Variants in EPHA6 observed in about 807,000 individuals in gnomAD.
EPHA6 encodes ephrin type-A receptor 6.
EPHA6 carries 50 observed loss-of-function variants against 112.0 expected under a neutral mutation model. The ratio of observed to expected loss-of-function variants is 0.45; its 90% CI spans 0.36 to 0.56. EPHA6 has a LOEUF of 0.56. Ranked by LOEUF, EPHA6 falls within the 20% of genes least tolerant of loss-of-function variation. EPHA6 has a pLI of 0.00. For missense variants in EPHA6, 1,280 were observed against 1,417.4 expected, an observed-to-expected ratio of 0.90 and a Z score of 1.56; for synonymous variants, 529 against 490.7, an observed-to-expected ratio of 1.08 and a Z score of -1.03.
chr3:97,373,369 A>G (rs1012543586), intron 5 of EPHA6, among the ~76,000 whole-genome samples: 2 of 152,154 alleles, frequency 1.3e-5, no homozygotes, highest in African/African-American at 4.8e-5. Context: ...ATGAAATCAC[A>G]ATCACAATAG....
At chr3:97,415,550 C>T (rs2107155814) in intron 6 of EPHA6, among the ~76,000 whole-genome samples, 1 of 152,158 alleles carries the variant, frequency 6.6e-6, no homozygotes, top group East Asian at 1.9e-4. Context: ...CAAACTCAAA[C>T]TGGTCCTGTG....
chr3:97,454,063 A>G (rs1018392257), intron 7 of EPHA6, among the ~76,000 whole-genome samples: 1 of 151,792 alleles, frequency 6.6e-6, no homozygotes, highest in Non-Finnish European at 1.5e-5. Context: ...ATGCTTCATG[A>G]ACAAAATAAT....
intron 6 of EPHA6, among the ~76,000 whole-genome samples, chr3:97,416,572 T>C (rs1323803160): frequency 2.0e-5 from 3 of 152,126 alleles, no homozygotes; most frequent in African/African-American, 4.8e-5. Context: ...GTGGCTTGAA[T>C]ATAGTAAGGA....
chr3:96,939,075 G>T (rs149730776), intron 2 of EPHA6, among the ~76,000 whole-genome samples: 140 of 152,094 alleles, frequency 9.2e-4, no homozygotes, highest in African/African-American at 3.1e-3. Context: ...CTCTTTTTTG[G>T]TTGTGTCTCT....
At chr3:96,981,233 T>G (rs2042759978) in intron 2 of EPHA6, among the ~76,000 whole-genome samples, 1 of 152,200 alleles carries the variant, frequency 6.6e-6, no homozygotes, top group Admixed American at 6.5e-5. Context: ...CATCAGTACC[T>G]AATTTATTGA....
intron 5 of EPHA6, among the ~76,000 whole-genome samples, chr3:97,326,471 A>T (rs1187119281): frequency 1.3e-5 from 2 of 151,968 alleles, no homozygotes; most frequent in African/African-American, 4.8e-5. Flanking sequence ...AAATGACTTA[A>T]TCATGAAAAT....
intron 3 of EPHA6, among the ~76,000 whole-genome samples, chr3:97,033,972 G>T (rs559212577): frequency 6.6e-6 from 1 of 151,850 alleles, no homozygotes; most frequent in South Asian, 2.1e-4. Flanking sequence ...CAAAACCTCA[G>T]ACTTTGGATT....
chr3:97,094,256 T>C (rs1408039702), intron 3 of EPHA6, among the ~76,000 whole-genome samples: 1 of 152,166 alleles, frequency 6.6e-6, no homozygotes, highest in Non-Finnish European at 1.5e-5. Context: ...CACGTGGAAA[T>C]TATGAAATCC....
At chr3:97,246,718 G>T (rs1047141558) in intron 5 of EPHA6, among the ~76,000 whole-genome samples, 1 of 151,648 alleles carries the variant, frequency 6.6e-6, no homozygotes, top group African/African-American at 2.4e-5. Flanking sequence ...ATATTGTCAT[G>T]TATATACTAA....
rs4857065 is a variant in EPHA6 at position 97,758,239 on chromosome 3, T to C, written c.*9538T>C. Among the ~76,000 whole-genome samples, 46,540 of 151,596 alleles carry C rather than the reference T, an allele frequency of 0.31. 7,107 individuals are homozygous for C. Among genetic ancestry groups the C allele is most frequent in the East Asian group, 0.33 (1,719 of 5,160 alleles). On this transcript the variant is annotated 3_prime_UTR_variant, in exon 18 of 18. Coordinates refer to ENST00000389672, the MANE Select transcript of EPHA6 (RefSeq NM_001080448.3). ...GAGAAAACAAAATAATCGTTTTCCC[T>C]ACCTTACAACCTTGATCACTCTACC...
At chr3:97,057,034 G>T (rs2045875562) in intron 3 of EPHA6, among the ~76,000 whole-genome samples, 1 of 152,124 alleles carries the variant, frequency 6.6e-6, no homozygotes, top group Admixed American at 6.5e-5. Flanking sequence ...CCTATCTGTT[G>T]CCTTGTTCCA....
At chr3:97,222,811 C>T (rs780020994) in intron 3 of EPHA6, among the ~76,000 whole-genome samples, 5 of 152,120 alleles carry the variant, frequency 3.3e-5, no homozygotes, top group African/African-American at 4.8e-5. Context: ...CACTAAGCAC[C>T]GGACAAATCT....
At chr3:97,656,456 T>G (rs917863180) in intron 14 of EPHA6, among the ~76,000 whole-genome samples, 2 of 151,880 alleles carry the variant, frequency 1.3e-5, no homozygotes, top group African/African-American at 4.8e-5. Context: ...TCCGAACCTA[T>G]AAATAATGAT....
At chr3:97,257,250 A>G (rs1156496995) in intron 5 of EPHA6, among the ~76,000 whole-genome samples, 3 of 151,976 alleles carry the variant, frequency 2.0e-5, no homozygotes, top group Non-Finnish European at 4.4e-5. Flanking sequence ...ATCTAAAAAA[A>G]TTACAAAGCA....
intron 11 of EPHA6, among the ~76,000 whole-genome samples, chr3:97,587,301 A>C (rs1240094498): frequency 6.6e-6 from 1 of 152,094 alleles, no homozygotes; most frequent in Non-Finnish European, 1.5e-5. Flanking sequence ...CAGCTCTTCA[A>C]ATTATTGTTC....
At chr3:97,322,284 A>C (rs1328253282) in intron 5 of EPHA6, among the ~76,000 whole-genome samples, 1 of 152,056 alleles carries the variant, frequency 6.6e-6, no homozygotes, top group Non-Finnish European at 1.5e-5. Context: ...CACTAGCTAA[A>C]GTAAAAATGA....
chr3:97,237,292 T>A (rs2078708004), intron 4 of EPHA6, among the ~76,000 whole-genome samples: 1 of 151,974 alleles, frequency 6.6e-6, no homozygotes, highest in Non-Finnish European at 1.5e-5. Flanking sequence ...AAAATTAAAA[T>A]AACCCTTACA....
intron 2 of EPHA6, among the ~76,000 whole-genome samples, chr3:96,946,382 T>A (rs2107704973): frequency 6.6e-6 from 1 of 151,298 alleles, no homozygotes; most frequent in Non-Finnish European, 1.5e-5. Flanking sequence ...TGTCCAAGTG[T>A]TCTCATTGTT....
chr3:97,102,374 G>A (rs557372572), intron 3 of EPHA6, among the ~76,000 whole-genome samples: 1 of 152,010 alleles, frequency 6.6e-6, no homozygotes, highest in Admixed American at 6.6e-5. Flanking sequence ...ACAGAACTGC[G>A]AGATACAATA....
Sources: gnomAD v4.1 joint callset for allele counts (sites outside exome capture counted in the v4.1 genomes callset) on GRCh38, gnomAD v4.1.1 for gene constraint, MANE v1.5 for transcripts, NCBI Gene and HGNC (gene_info 2026-07-23, HGNC 2026-07-21) for gene names.